Variants in LUZP2 observed in about 807,000 individuals in gnomAD.
LUZP2 encodes the protein leucine zipper protein 2.
A neutral mutation model predicts 51.6 loss-of-function variants in LUZP2; 52 were observed. That is an observed-to-expected ratio of 1.01 (90% confidence interval 0.81 to 1.27). The LOEUF is 1.27. Among genes scored for constraint, LUZP2 ranks in the 50% most tolerant of loss-of-function variants. LUZP2 has a pLI of 0.00. For synonymous variants in LUZP2, 154 were observed against 137.3 expected (o/e 1.12, Z -0.85); for missense variants, 436 against 395.4 (o/e 1.10, Z -0.87).
At chr11:24,875,514 T>G (rs904537759) in intron 5 of LUZP2, among the ~76,000 whole-genome samples, 17 of 142,872 alleles carry the variant, frequency 1.2e-4, no homozygotes, top group Admixed American at 1.1e-3. Flanking sequence ...GTTGGACATT[T>G]GGGTTGGTTC....
intron 5 of LUZP2, among the ~76,000 whole-genome samples, chr11:24,835,841 T>G (rs112800685): frequency 1.2e-4 from 19 of 152,162 alleles, no homozygotes; most frequent in African/African-American, 4.6e-4. Context: ...GCCAAAGTAA[T>G]GTTTGTTAAT....
chr11:24,606,695 A>T (rs73433036), intron 1 of LUZP2, among the ~76,000 whole-genome samples: 3,811 of 152,104 alleles, frequency 0.025, 165 homozygotes, highest in African/African-American at 0.088. Flanking sequence ...ATCATATAAT[A>T]GTTGTATTTT....
At position 24,989,675 on chromosome 11, in the gene LUZP2, A is replaced by C. The variant is rs77763821; in HGVS notation, c.765+6382A>C. Among the ~76,000 whole-genome samples, 914 of 152,162 alleles carry C rather than the reference A, an allele frequency of 6.0e-3. 10 individuals carry two copies. Among genetic ancestry groups the C allele is most frequent in the African/African-American group, 0.021 (875 of 41,538 alleles). On this transcript the variant is annotated intron_variant, in intron 9 of 11. Transcript: ENST00000336930. ...GGAACAAAGCAAAATGAATTATATG[A>C]ACAACTGGGATACGGTGAAACTGAG...
intron 5 of LUZP2, among the ~76,000 whole-genome samples, chr11:24,897,516 G>T (rs1179420380): frequency 6.6e-6 from 1 of 151,852 alleles, no homozygotes; most frequent in African/African-American, 2.4e-5. Context: ...CTCCCGAGGC[G>T]CTGCATTAAG....
intron 3 of LUZP2, among the ~76,000 whole-genome samples, chr11:24,734,410 T>C (rs1178119876): frequency 2.6e-5 from 4 of 151,882 alleles, no homozygotes; most frequent in Admixed American, 1.3e-4. Flanking sequence ...ATTTTAATCA[T>C]CAAGTGTACA....
chr11:25,004,366 T>G (rs1856776939), intron 9 of LUZP2, among the ~76,000 whole-genome samples: 1 of 152,038 alleles, frequency 6.6e-6, no homozygotes, highest in South Asian at 2.1e-4. Flanking sequence ...ACCACCAAGG[T>G]TTGTTTGCCT....
chr11:25,046,079 C>T (rs934174591), intron 9 of LUZP2, among the ~76,000 whole-genome samples: 20 of 152,100 alleles, frequency 1.3e-4, no homozygotes, highest in African/African-American at 4.3e-4. Context: ...CCATTGGTAG[C>T]CTGTCTTGAA....
intron 1 of LUZP2, among the ~76,000 whole-genome samples, chr11:24,517,402 C>T (rs982174616): frequency 3.7e-5 from 5 of 134,946 alleles, no homozygotes; most frequent in Admixed American, 3.6e-4. Context: ...AGGAGAATGG[C>T]GTGAACCTGG....
intron 10 of LUZP2, among the ~76,000 whole-genome samples, chr11:25,076,487 G>T (rs1859301450): frequency 6.6e-6 from 1 of 151,408 alleles, no homozygotes; most frequent in African/African-American, 2.4e-5. Context: ...TGATAAAGAA[G>T]AAAGGAAGAG....
In LUZP2 at chr11:24,629,684, G is replaced by C. The variant is rs141754191; in HGVS notation, c.63-99485G>C. 8.6e-4 allele frequency among the ~76,000 whole-genome samples: 130 copies of C among 151,368 alleles called. 1 individual carries two copies. The East Asian group carries it at 0.02, about 23-fold the overall frequency. On this transcript the variant is annotated intron_variant, in intron 1 of 11. Transcript: ENST00000336930. ...AGTGCAAGTGTCTTTTTGATAAAAT[G>C]ATTTATTTTCCGCTGGATAGATACC...
chr11:24,896,743 G>A (rs892375175), intron 5 of LUZP2, among the ~76,000 whole-genome samples: 4 of 152,222 alleles, frequency 2.6e-5, no homozygotes, highest in Non-Finnish European at 5.9e-5. Flanking sequence ...ATCCACTAGG[G>A]GAAGCCAGCT....
intron 4 of LUZP2, among the ~76,000 whole-genome samples, chr11:24,741,606 T>A (rs1859144908): frequency 6.6e-6 from 1 of 151,328 alleles, no homozygotes; most frequent in African/African-American, 2.4e-5. Context: ...CATTGTATCA[T>A]TCTTATAACT....
At chr11:24,566,897 TATA>T in intron 1 of LUZP2, among the ~76,000 whole-genome samples, 1 of 89,318 alleles carries the variant, frequency 1.1e-5, no homozygotes, top group South Asian at 3.8e-4. Flanking sequence ...TACATATTTA[TATA>T]TGTTATATAT....
intron 10 of LUZP2, among the ~76,000 whole-genome samples, chr11:25,051,111 A>T (rs1858495319): frequency 6.6e-6 from 1 of 152,110 alleles, no homozygotes; most frequent in African/African-American, 2.4e-5. Flanking sequence ...TATAATGATG[A>T]TAAGGAGGAA....
At chr11:24,514,390 T>C (rs11027964) in intron 1 of LUZP2, among the ~76,000 whole-genome samples, 33,856 of 152,042 alleles carry the variant, frequency 0.22, 4,830 homozygotes, top group African/African-American at 0.41. Context: ...AATTCAGTGA[T>C]CCTGAACAAA....
chr11:24,901,357 C>T (rs1853274721), intron 5 of LUZP2, among the ~76,000 whole-genome samples: 1 of 147,606 alleles, frequency 6.8e-6, no homozygotes, highest in African/African-American at 2.5e-5. Flanking sequence ...TGGATGTTTG[C>T]AATGAAAACT....
intron 7 of LUZP2, among the ~76,000 whole-genome samples, chr11:24,946,897 T>A (rs1854916149): frequency 6.6e-6 from 1 of 152,030 alleles, no homozygotes. Flanking sequence ...CAGTTACATA[T>A]ATATCTATAT....
chr11:24,543,231 A>G (rs926895493), intron 1 of LUZP2, among the ~76,000 whole-genome samples: 14 of 149,646 alleles, frequency 9.4e-5, no homozygotes, highest in African/African-American at 3.3e-4. Flanking sequence ...AATATAAATA[A>G]TACATCTGCG....
chr11:24,729,642 G>T (rs1858639294), intron 2 of LUZP2, among the ~76,000 whole-genome samples: 3 of 151,930 alleles, frequency 2.0e-5, no homozygotes, highest in Non-Finnish European at 4.4e-5. Context: ...TTCCCCACGG[G>T]ATAATTCTTA....
Sources: allele counts gnomAD v4.1 joint callset (sites outside exome capture counted in the v4.1 genomes callset), GRCh38; gene constraint gnomAD v4.1.1; transcripts MANE v1.5; gene names NCBI Gene and HGNC (gene_info 2026-07-23, HGNC 2026-07-21).